Variants in ZNF804B observed in about 807,000 individuals in gnomAD.
The protein encoded by ZNF804B is zinc finger 804B.
In ZNF804B, 80 loss-of-function variants were observed where a neutral mutation model predicts 101.4. The observed-to-expected ratio is 0.79, with a 90% confidence interval of 0.66 to 0.95. The LOEUF (loss-of-function observed/expected upper bound fraction) is 0.95, where lower values mean the gene tolerates loss of function less well. ZNF804B is among the 40% of genes least tolerant of loss of function. The probability of loss-of-function intolerance (pLI) is 0.00; values close to 1 mark genes in which losing one functional copy is unlikely to be tolerated. For missense variants in ZNF804B, 1,673 were observed against 1,561.9 expected, an observed-to-expected ratio of 1.07 and a Z score of -1.20; for synonymous variants, 622 against 558.8, an observed-to-expected ratio of 1.11 and a Z score of -1.59.
At chr7:88,936,076 C>T (rs1792964001) in intron 1 of ZNF804B, among the ~76,000 whole-genome samples, 1 of 146,858 alleles carries the variant, frequency 6.8e-6, no homozygotes, top group South Asian at 2.2e-4. Flanking sequence ...CCCCTTCTCT[C>T]TCCTTCCTTC....
In ZNF804B at chr7:88,873,158, C is replaced by T. The variant is rs1473648241; in HGVS notation, c.108+113074C>T. ...TGTTTCCTGGCTTTTTAATGATTGCCATTCTAACTGGTGTGAGATGGTATC... is the reference window on the plus strand; with the variant it reads ...TGTTTCCTGGCTTTTTAATGATTGCTATTCTAACTGGTGTGAGATGGTATC... On this transcript the variant is annotated intron_variant, in intron 1 of 3. Coordinates refer to ENST00000333190, the MANE Select transcript of ZNF804B (RefSeq NM_181646.5). Among the ~76,000 whole-genome samples the T allele has an allele frequency of 1.3e-5, 2 of 152,114 alleles. 1 individual carries two copies. The highest frequency in any genetic ancestry group is 4.8e-5 in the African/African-American group (2 of 41,410).
intron 1 of ZNF804B, among the ~76,000 whole-genome samples, chr7:88,816,302 C>T (rs1036433189): frequency 6.6e-6 from 1 of 152,120 alleles, no homozygotes; most frequent in Non-Finnish European, 1.5e-5. Context: ...TAGGCAATAC[C>T]ATTCAGGATA....
At chr7:89,277,261 T>C (rs59090978) in intron 2 of ZNF804B, among the ~76,000 whole-genome samples, 61,149 of 149,412 alleles carry the variant, frequency 0.41, 13,141 homozygotes, top group African/African-American at 0.49. Context: ...ATATTTAGCT[T>C]ATTAGTCATA....
intron 1 of ZNF804B, among the ~76,000 whole-genome samples, chr7:89,159,538 A>T (rs910402494): frequency 3.9e-5 from 6 of 152,158 alleles, no homozygotes; most frequent in African/African-American, 7.2e-5. Context: ...GGAGATGGTG[A>T]AGGTAAAGCA....
intron 1 of ZNF804B, among the ~76,000 whole-genome samples, chr7:88,779,438 G>A (rs1790191701): frequency 1.3e-5 from 2 of 152,154 alleles, no homozygotes; most frequent in African/African-American, 2.4e-5. Context: ...TAACTCCTGT[G>A]AATATTCTCT....
intron 1 of ZNF804B, among the ~76,000 whole-genome samples, chr7:88,994,614 C>T (rs770126051): frequency 1.3e-5 from 2 of 152,044 alleles, no homozygotes; most frequent in Non-Finnish European, 2.9e-5. Context: ...CTCAAGTTTA[C>T]ACTTCAGTAG....
At chr7:88,867,474 C>T (rs1246664253) in intron 1 of ZNF804B, among the ~76,000 whole-genome samples, 2 of 152,190 alleles carry the variant, frequency 1.3e-5, no homozygotes, top group Non-Finnish European at 2.9e-5. Flanking sequence ...TTTGCCTTTT[C>T]TCTGCGTCTT....
At chr7:89,176,799 C>T (rs1791330395) in intron 1 of ZNF804B, among the ~76,000 whole-genome samples, 1 of 151,726 alleles carries the variant, frequency 6.6e-6, no homozygotes, top group Admixed American at 6.6e-5. Context: ...CTTTTTATTA[C>T]AGCCTTGATC....
At chr7:89,205,941 T>A (rs1389667175) in intron 1 of ZNF804B, among the ~76,000 whole-genome samples, 1 of 152,224 alleles carries the variant, frequency 6.6e-6, no homozygotes, top group Non-Finnish European at 1.5e-5. Context: ...TACCTGGACA[T>A]ACAGGCATTT....
At chr7:89,164,639 C>T (rs548551826) in intron 1 of ZNF804B, among the ~76,000 whole-genome samples, 1 of 152,106 alleles carries the variant, frequency 6.6e-6, no homozygotes, top group Non-Finnish European at 1.5e-5. Context: ...TTAAACAATA[C>T]TGAAAATATG....
At chr7:89,069,188 C>A (rs528508892) in intron 1 of ZNF804B, among the ~76,000 whole-genome samples, 1 of 152,158 alleles carries the variant, frequency 6.6e-6, no homozygotes, top group African/African-American at 2.4e-5. Context: ...TAAGGCCTAC[C>A]TGTCATAATT....
At chr7:88,932,294 G>C (rs1217565646) in intron 1 of ZNF804B, among the ~76,000 whole-genome samples, 1 of 151,660 alleles carries the variant, frequency 6.6e-6, no homozygotes, top group Non-Finnish European at 1.5e-5. Flanking sequence ...ACATCAAAAA[G>C]TCTGAAAGAG....
chr7:89,141,939 T>G lies in ZNF804B; in HGVS notation c.109-76216T>G, dbSNP rs767919473. On this transcript the variant is annotated intron_variant, in intron 1 of 3. Coordinates refer to ENST00000333190, the MANE Select transcript of ZNF804B (RefSeq NM_181646.5). ...ACTGTATTTCTCAACATAAACTTCA[T>G]CAAGTTCAAGATAGTTTTGTAAACA... Among the ~76,000 whole-genome samples the G allele has an allele frequency of 1.0e-3, 154 of 151,602 alleles. 1 individual carries two copies. The highest frequency in any genetic ancestry group is 1.8e-3 in the Non-Finnish European group (124 of 67,820).
At chr7:88,982,445 A>G (rs1271499284) in intron 1 of ZNF804B, among the ~76,000 whole-genome samples, 1 of 152,032 alleles carries the variant, frequency 6.6e-6, no homozygotes, top group Non-Finnish European at 1.5e-5. Flanking sequence ...TATTTTCTCA[A>G]TGCTTCTTGA....
chr7:89,189,145 A>T (rs1788418025), intron 1 of ZNF804B, among the ~76,000 whole-genome samples: 1 of 152,186 alleles, frequency 6.6e-6, no homozygotes, highest in Non-Finnish European at 1.5e-5. Context: ...CTTGATAATT[A>T]TGCTAAATCT....
intron 1 of ZNF804B, among the ~76,000 whole-genome samples, chr7:89,079,044 G>A (rs1404301748): frequency 6.6e-6 from 1 of 151,836 alleles, no homozygotes; most frequent in East Asian, 1.9e-4. Context: ...GCTTTGAATG[G>A]CTCAAAATGT....
chr7:89,319,293 A>G (rs2115964239), intron 2 of ZNF804B, among the ~76,000 whole-genome samples: 1 of 152,332 alleles, frequency 6.6e-6, no homozygotes, highest in Middle Eastern at 3.4e-3. Context: ...ATTTTAAAAA[A>G]TTAAGGGAAT....
chr7:89,216,205 G>C (rs1788893101), intron 1 of ZNF804B, among the ~76,000 whole-genome samples: 1 of 152,234 alleles, frequency 6.6e-6, no homozygotes, highest in African/African-American at 2.4e-5. Flanking sequence ...TGCTGGAGGG[G>C]CTGAGACGGG....
intron 1 of ZNF804B, among the ~76,000 whole-genome samples, chr7:88,790,332 A>C (rs974215142): frequency 1.4e-4 from 22 of 152,082 alleles, no homozygotes; most frequent in Non-Finnish European, 3.1e-4. Flanking sequence ...ACGTAGGTAA[A>C]TGTATGCCAT....
Sources: gnomAD v4.1 joint callset for allele counts (sites outside exome capture counted in the v4.1 genomes callset) on GRCh38, gnomAD v4.1.1 for gene constraint, MANE v1.5 for transcripts, NCBI Gene and HGNC (gene_info 2026-07-23, HGNC 2026-07-21) for gene names.